REDIC1: variants seen among roughly 807,000 people sequenced by gnomAD.
REDIC1 encodes regulator of DNA class I crossover intermediates 1, also known as HEI10 Interacting Protein 1.
the REDIC1 span, among the ~76,000 whole-genome samples, chr12:39,712,465 TA>T: frequency 5.0e-5 from 7 of 140,540 alleles, no homozygotes; most frequent in Admixed American, 2.9e-4. Context: ...TATATATACG[TA>T]TGTATATATA....
chr12:39,679,779 GGT>G, the REDIC1 span, among the ~76,000 whole-genome samples: 1 of 152,100 alleles, frequency 6.6e-6, no homozygotes, highest in Non-Finnish European at 1.5e-5. Flanking sequence ...GCATGGCACT[GGT>G]ATAAATATAG....
the REDIC1 span, among the ~76,000 whole-genome samples, chr12:39,790,267 T>G: frequency 6.6e-6 from 1 of 151,718 alleles, no homozygotes; most frequent in South Asian, 2.1e-4. Context: ...ATGTGCACAT[T>G]GTGCAGGTTA....
the REDIC1 span, among the ~76,000 whole-genome samples, chr12:39,732,879 G>A: frequency 7.9e-5 from 12 of 152,090 alleles, no homozygotes; most frequent in Non-Finnish European, 1.6e-4. Context: ...GCATGACAAG[G>A]TGTCTGGCAT....
At chr12:39,888,444 C>G in the REDIC1 span, among the ~76,000 whole-genome samples, 1 of 152,156 alleles carries the variant, frequency 6.6e-6, no homozygotes, top group African/African-American at 2.4e-5. Context: ...AGGCTGAACT[C>G]GAACTGCTGA....
At chr12:39,823,874 C>G in the REDIC1 span, among the ~76,000 whole-genome samples, 4 of 152,122 alleles carry the variant, frequency 2.6e-5, no homozygotes, top group African/African-American at 9.7e-5. Flanking sequence ...TTTATTACTA[C>G]AGGTAAACAT....
At chr12:39,628,654 T>A in the REDIC1 span, among the ~76,000 whole-genome samples, 1 of 152,150 alleles carries the variant, frequency 6.6e-6, no homozygotes, top group African/African-American at 2.4e-5. Context: ...ACTACCTGTT[T>A]AGGGAATTGG....
At chr12:39,653,780 G>C in the REDIC1 span, among the ~76,000 whole-genome samples, 6 of 152,032 alleles carry the variant, frequency 3.9e-5, no homozygotes, top group African/African-American at 1.2e-4. Context: ...TCTTTCACCA[G>C]TAAGTATGAT....
At chr12:39,887,563 G>C in the REDIC1 span, among the ~76,000 whole-genome samples, 10 of 152,174 alleles carry the variant, frequency 6.6e-5, no homozygotes, top group Non-Finnish European at 5.9e-5. Flanking sequence ...GTGATGGTGG[G>C]GCAAGAAATT....
At chr12:39,813,391 C>T in the REDIC1 span, among the ~76,000 whole-genome samples, 1 of 152,082 alleles carries the variant, frequency 6.6e-6, no homozygotes. Flanking sequence ...CTTTCAACAA[C>T]TGTAAACACA....
the REDIC1 span, among the ~76,000 whole-genome samples, chr12:39,661,567 T>A: frequency 6.6e-6 from 1 of 151,986 alleles, no homozygotes; most frequent in South Asian, 2.1e-4. Context: ...TTTGTCAGAT[T>A]AATAATTTGC....
At chr12:39,676,184 T>C in the REDIC1 span, among the ~76,000 whole-genome samples, 2 of 150,130 alleles carry the variant, frequency 1.3e-5, no homozygotes, top group South Asian at 2.1e-4. Context: ...GAACACCAAC[T>C]TAAGGAAATA....
the REDIC1 span, among the ~76,000 whole-genome samples, chr12:39,736,000 C>A: frequency 2.0e-5 from 3 of 152,288 alleles, no homozygotes; most frequent in Admixed American, 1.3e-4. Context: ...GACAGACCAT[C>A]ACAAAAAGAG....
the REDIC1 span, among the ~76,000 whole-genome samples, chr12:39,751,605 A>T: frequency 6.6e-6 from 1 of 152,238 alleles, no homozygotes; most frequent in Non-Finnish European, 1.5e-5. Flanking sequence ...ATGGACATGT[A>T]TGTTTATTGC....
the REDIC1 span, among the ~76,000 whole-genome samples, chr12:39,866,722 G>A: frequency 6.6e-6 from 1 of 152,112 alleles, no homozygotes; most frequent in Non-Finnish European, 1.5e-5. Context: ...CTCGTGATCC[G>A]CCAGCCTCGG....
the REDIC1 span, among the ~76,000 whole-genome samples, chr12:39,839,803 C>G: frequency 4.1e-4 from 62 of 152,190 alleles, no homozygotes; most frequent in African/African-American, 1.3e-3. Context: ...TCTCTAAGTG[C>G]CAGAACTACA....
chr12:39,696,776 A>T, the REDIC1 span, among the ~76,000 whole-genome samples: 1 of 152,106 alleles, frequency 6.6e-6, no homozygotes, highest in Non-Finnish European at 1.5e-5. Context: ...GAAAAATGCA[A>T]TTGACATATT....
At chr12:39,665,429 T>C in the REDIC1 span, among the ~76,000 whole-genome samples, 30 of 152,018 alleles carry the variant, frequency 2.0e-4, no homozygotes, top group Admixed American at 1.6e-3. Flanking sequence ...TCCATTGTTC[T>C]ATATCTCTGT....
At chr12:39,849,558 T>G in the REDIC1 span, among the ~76,000 whole-genome samples, 1 of 152,178 alleles carries the variant, frequency 6.6e-6, no homozygotes, top group Non-Finnish European at 1.5e-5. Context: ...CTTCTCTGAC[T>G]GAGGTGGTAA....
chr12:39,783,809 T>C, the REDIC1 span, among the ~76,000 whole-genome samples: 12 of 152,220 alleles, frequency 7.9e-5, no homozygotes, highest in African/African-American at 2.7e-4. Flanking sequence ...ATGACATGAC[T>C]GTATATTTAG....
Sources: gnomAD v4.1 joint callset for allele counts (sites outside exome capture counted in the v4.1 genomes callset) on GRCh38, gnomAD v4.1.1 for gene constraint, MANE v1.5 for transcripts, NCBI Gene and HGNC (gene_info 2026-07-23, HGNC 2026-07-21) for gene names.